Variants in ADGRL2 observed in about 807,000 individuals in gnomAD.
The protein encoded by ADGRL2 is calcium-independent alpha-latrotoxin receptor 2.
Under a neutral mutation model 157.4 loss-of-function variants are expected in ADGRL2, and 44 were observed. The ratio of observed to expected loss-of-function variants is 0.28; its 90% CI spans 0.22 to 0.36. The LOEUF (loss-of-function observed/expected upper bound fraction) is 0.36, where lower values mean the gene tolerates loss of function less well. ADGRL2 is among the 10% of genes least tolerant of loss of function. The probability of loss-of-function intolerance (pLI) is 1.00; values close to 1 mark genes in which losing one functional copy is unlikely to be tolerated. For missense variants in ADGRL2, 1,510 were observed against 1,768.9 expected (o/e 0.85, Z 2.63); for synonymous variants, 585 against 624.7 (o/e 0.94, Z 0.95).
intron 1 of ADGRL2, among the ~76,000 whole-genome samples, chr1:81,802,658 G>A (rs933423993): frequency 6.6e-6 from 1 of 152,064 alleles, no homozygotes; most frequent in Non-Finnish European, 1.5e-5. Flanking sequence ...GCGCGTCCTC[G>A]GCGGAGCTTA....
intron 1 of ADGRL2, among the ~76,000 whole-genome samples, chr1:81,706,994 C>T (rs1001360883): frequency 6.6e-6 from 1 of 151,898 alleles, no homozygotes; most frequent in Non-Finnish European, 1.5e-5. Context: ...GGGGTTTAGC[C>T]CTAAATTGGA....
At chr1:81,371,539 A>G (rs771972997) in intron 1 of ADGRL2, among the ~76,000 whole-genome samples, 9 of 152,234 alleles carry the variant, frequency 5.9e-5, no homozygotes, top group Admixed American at 1.3e-4. Context: ...AATGTAAAGC[A>G]TTTGGCATAG....
chr1:81,589,248 T>C (rs984427709), intron 3 of ADGRL2, among the ~76,000 whole-genome samples: 2 of 152,134 alleles, frequency 1.3e-5, no homozygotes, highest in African/African-American at 4.8e-5. Flanking sequence ...GTGAGTTCCT[T>C]GGTCCAATTA....
At chr1:81,827,673 C>A (rs2091613107) in intron 1 of ADGRL2, among the ~76,000 whole-genome samples, 1 of 152,144 alleles carries the variant, frequency 6.6e-6, no homozygotes, top group African/African-American at 2.4e-5. Context: ...TCAAGCATTT[C>A]TCTTGCCTCA....
intron 2 of ADGRL2, among the ~76,000 whole-genome samples, chr1:81,548,270 T>A (rs1298029162): frequency 6.6e-6 from 1 of 152,060 alleles, no homozygotes; most frequent in African/African-American, 2.4e-5. Flanking sequence ...TCAACTAAAT[T>A]GATTTCATGA....
chr1:81,819,520 ATGTTTTCGAG>A (rs1346153676), intron 1 of ADGRL2, among the ~76,000 whole-genome samples: 2 of 152,146 alleles, frequency 1.3e-5, no homozygotes, highest in Non-Finnish European at 2.9e-5. Context: ...ATGTTTTTAA[ATGTTTTCGAG>A]TGTATACCTG....
At chr1:81,820,580 A>T (rs577171821) in intron 1 of ADGRL2, among the ~76,000 whole-genome samples, 2 of 151,392 alleles carry the variant, frequency 1.3e-5, no homozygotes, top group African/African-American at 4.8e-5. Flanking sequence ...CTTTTTTTCA[A>T]TGCTGCTCAA....
intron 3 of ADGRL2, among the ~76,000 whole-genome samples, chr1:81,657,651 T>C (rs2082564669): frequency 6.6e-6 from 1 of 152,058 alleles, no homozygotes; most frequent in Admixed American, 6.6e-5. Flanking sequence ...GTATGTGTAG[T>C]TTTTAGAAGT....
intron 1 of ADGRL2, among the ~76,000 whole-genome samples, chr1:81,331,045 A>G (rs369712893): frequency 6.6e-6 from 1 of 152,186 alleles, no homozygotes; most frequent in African/African-American, 2.4e-5. Context: ...TGCCTGGCAC[A>G]GTGCCTGGTA....
chr1:81,430,001 C>T (rs908195306), intron 1 of ADGRL2, among the ~76,000 whole-genome samples: 1 of 152,212 alleles, frequency 6.6e-6, no homozygotes, highest in South Asian at 2.1e-4. Flanking sequence ...TCAAGCGATT[C>T]TCCTGTCTCA....
At chr1:81,590,814 C>T (rs949934534) in intron 3 of ADGRL2, among the ~76,000 whole-genome samples, 1 of 152,004 alleles carries the variant, frequency 6.6e-6, no homozygotes, top group African/African-American at 2.4e-5. Context: ...TCCAAGCTAC[C>T]GAGAGCTATC....
intron 2 of ADGRL2, among the ~76,000 whole-genome samples, chr1:81,838,432 TGAA>T (rs1201662559): frequency 2.6e-5 from 4 of 152,094 alleles, no homozygotes; most frequent in Non-Finnish European, 5.9e-5. Flanking sequence ...GCTTTAGAAT[TGAA>T]GATGCATCAT....
chr1:81,661,719 T>C (rs1369239548), intron 3 of ADGRL2, among the ~76,000 whole-genome samples: 4 of 152,322 alleles, frequency 2.6e-5, no homozygotes, highest in African/African-American at 9.6e-5. Context: ...TTTACACCAG[T>C]TGTCTAGTCT....
intron 1 of ADGRL2, among the ~76,000 whole-genome samples, chr1:81,437,531 G>A (rs1362447547): frequency 1.3e-5 from 2 of 152,176 alleles, no homozygotes; most frequent in Non-Finnish European, 2.9e-5. Flanking sequence ...TCTGTTTTTA[G>A]CTCAGTCATT....
At chr1:81,813,468 TAA>T (rs1282328579) in intron 1 of ADGRL2, among the ~76,000 whole-genome samples, 1 of 151,740 alleles carries the variant, frequency 6.6e-6, no homozygotes, top group African/African-American at 2.4e-5. Context: ...ACTTGTTTAA[TAA>T]AGAGATTTGT....
chr1:81,380,844 T>C (rs889679648), intron 1 of ADGRL2, among the ~76,000 whole-genome samples: 6 of 151,884 alleles, frequency 4.0e-5, no homozygotes, highest in Non-Finnish European at 7.4e-5. Context: ...TCTTTTTAAA[T>C]GAATGGTAGG....
In ADGRL2 at chr1:81,992,893, G is replaced by A. The variant is rs1443772220; in HGVS notation, c.*1748G>A. Among the ~76,000 whole-genome samples the A allele has an allele frequency of 6.6e-6, 1 of 150,956 alleles. No individual in the cohort carries two copies. The highest frequency in any genetic ancestry group is 2.1e-4 in the South Asian group (1 of 4,798). ...GAATATCAAGAAATAGATGTTTTCT[G>A]TTTGTATCATAAGCATTTATAGAAA... On this transcript the variant is annotated 3_prime_UTR_variant, in exon 24 of 24. Transcript: ENST00000686636.
chr1:81,456,706 C>T (rs759021238), intron 2 of ADGRL2, among the ~76,000 whole-genome samples: 6 of 152,050 alleles, frequency 3.9e-5, no homozygotes, highest in Non-Finnish European at 8.8e-5. Flanking sequence ...GAGAGGAAAA[C>T]ATTTTCAGGC....
chr1:81,360,939 G>A (rs1201116123), intron 1 of ADGRL2, among the ~76,000 whole-genome samples: 1 of 151,850 alleles, frequency 6.6e-6, no homozygotes, highest in Non-Finnish European at 1.5e-5. Context: ...TAGTATCTAT[G>A]TGGAAAATTT....
Sources: gnomAD v4.1 joint callset for allele counts (sites outside exome capture counted in the v4.1 genomes callset) on GRCh38, gnomAD v4.1.1 for gene constraint, MANE v1.5 for transcripts, NCBI Gene and HGNC (gene_info 2026-07-23, HGNC 2026-07-21) for gene names.